The following SHISA6 variants were observed in gnomAD, a reference collection of about 807,000 sequenced individuals.
SHISA6 encodes shisa family member 6.
A neutral mutation model predicts 47.9 loss-of-function variants in SHISA6; 22 were observed. That is an observed-to-expected ratio of 0.46 (90% CI 0.33 to 0.66). SHISA6 has a LOEUF of 0.66. Among genes scored for constraint, SHISA6 ranks in the 30% least tolerant of loss-of-function variants. The pLI, the probability that SHISA6 is intolerant of heterozygous loss-of-function variation, is 0.02. For missense variants in SHISA6, 680 were observed against 764.6 expected (o/e 0.89, Z 1.30); for synonymous variants, 388 against 337.8 (o/e 1.15, Z -1.63).
chr17:11,401,363 C>G (rs1012224717), intron 3 of SHISA6, among the ~76,000 whole-genome samples: 1 of 152,082 alleles, frequency 6.6e-6, no homozygotes, highest in Non-Finnish European at 1.5e-5. Flanking sequence ...GCCCAGCTAA[C>G]TTTTGTATTT....
chr17:11,483,995 G>A lies in SHISA6; in HGVS notation c.896-67901G>A, dbSNP rs377120558. Among the ~76,000 whole-genome samples the A allele has an allele frequency of 2.1e-4, 31 of 148,092 alleles. No homozygotes were observed. In the South Asian group the frequency reaches 5.6e-3, roughly 27 times the overall value. ...TCAGAATTGAAAGACTAAAGAAAGC[G>A]GTCAATATTGACTATTCAATAATTA... On this transcript the variant is annotated intron_variant, in intron 3 of 5. Transcript: ENST00000441885.
At chr17:11,455,591 C>G (rs1344150722) in intron 3 of SHISA6, among the ~76,000 whole-genome samples, 1 of 151,904 alleles carries the variant, frequency 6.6e-6, no homozygotes, top group Non-Finnish European at 1.5e-5. Flanking sequence ...CCAAATGGCA[C>G]TCTTCACAAG....
At chr17:11,287,239 A>AGGAAGGAAGGAGGGAG (rs1909336068) in intron 2 of SHISA6, among the ~76,000 whole-genome samples, 1 of 150,194 alleles carries the variant, frequency 6.7e-6, no homozygotes, top group African/African-American at 2.5e-5. Context: ...AAAGAAGGGA[A>AGGAAGGAAGGAGGGAG]GGAAGGAAGG....
chr17:11,512,473 T>C (rs111461587), intron 3 of SHISA6, among the ~76,000 whole-genome samples: 273 of 152,352 alleles, frequency 1.8e-3, no homozygotes, highest in African/African-American at 6.1e-3. Flanking sequence ...TTTGTAACTG[T>C]ATGTTTACAC....
Position 11,433,957 on chromosome 17 carries a change from G to T in SHISA6, c.895+54448G>T, listed in dbSNP as rs551466709. Among the ~76,000 whole-genome samples, 7 of 152,252 alleles carry T rather than the reference G, an allele frequency of 4.6e-5. No homozygotes were observed. In the South Asian group the frequency reaches 1.2e-3, roughly 27 times the overall value. On this transcript the variant is annotated intron_variant, in intron 3 of 5. Transcript: ENST00000441885. ...AGGTTGTTTTCAAAGAAGGAAAAAT[G>T]GTTGTGAGAGGTCAGAATCAGTGCA... is the stretch of plus-strand genomic sequence containing the variant.
At chr17:11,504,468 A>G (rs1043569377) in intron 3 of SHISA6, among the ~76,000 whole-genome samples, 3 of 152,134 alleles carry the variant, frequency 2.0e-5, no homozygotes, top group African/African-American at 7.2e-5. Flanking sequence ...TTTAGAAGAG[A>G]CTTGTCTCAA....
At chr17:11,317,422 T>C (rs1910560649) in intron 2 of SHISA6, among the ~76,000 whole-genome samples, 1 of 152,066 alleles carries the variant, frequency 6.6e-6, no homozygotes, top group South Asian at 2.1e-4. Flanking sequence ...TGATTTCTTA[T>C]TGATCATAAA....
intron 2 of SHISA6, among the ~76,000 whole-genome samples, chr17:11,308,101 T>A (rs1376215773): frequency 1.3e-5 from 2 of 152,142 alleles, no homozygotes; most frequent in African/African-American, 4.8e-5. Context: ...CCAAAATCTA[T>A]CATGGAAGGG....
chr17:11,245,175 G>A (rs561847935), intron 1 of SHISA6, among the ~76,000 whole-genome samples: 37 of 152,326 alleles, frequency 2.4e-4, no homozygotes, highest in African/African-American at 8.4e-4. Context: ...TACCAAGTCC[G>A]ACTCAGCTAG....
intron 2 of SHISA6, among the ~76,000 whole-genome samples, chr17:11,298,536 T>C (rs1567564723): frequency 6.6e-6 from 1 of 152,130 alleles, no homozygotes; most frequent in Non-Finnish European, 1.5e-5. Context: ...ACTACTGAAC[T>C]CAGGCTGGGC....
chr17:11,496,112 C>G (rs905222391), intron 3 of SHISA6, among the ~76,000 whole-genome samples: 1 of 152,182 alleles, frequency 6.6e-6, no homozygotes, highest in Non-Finnish European at 1.5e-5. Context: ...AGTCTACTTG[C>G]AACTACACTT....
chr17:11,419,146 A>G (rs372886206), intron 3 of SHISA6, among the ~76,000 whole-genome samples: 6 of 152,226 alleles, frequency 3.9e-5, no homozygotes, highest in African/African-American at 1.2e-4. Flanking sequence ...CAGCACACCA[A>G]CGTGGCACAT....
chr17:11,399,283 C>T (rs1597493876), intron 3 of SHISA6, among the ~76,000 whole-genome samples: 1 of 152,150 alleles, frequency 6.6e-6, no homozygotes, highest in Admixed American at 6.5e-5. Flanking sequence ...TGTATTTACT[C>T]CCTGAATTGC....
At chr17:11,547,667 A>G (rs1463043445) in intron 3 of SHISA6, among the ~76,000 whole-genome samples, 2 of 152,196 alleles carry the variant, frequency 1.3e-5, no homozygotes, top group Non-Finnish European at 2.9e-5. Flanking sequence ...AATGAAACCA[A>G]AGAAAATTAG....
chr17:11,287,255 G>A (rs1282459394), intron 2 of SHISA6, among the ~76,000 whole-genome samples: 2 of 146,832 alleles, frequency 1.4e-5, no homozygotes, highest in Non-Finnish European at 3.0e-5. Context: ...GAAGGAGGGA[G>A]GGAAGGAAGG....
intron 2 of SHISA6, among the ~76,000 whole-genome samples, chr17:11,276,593 G>A (rs904868780): frequency 2.0e-5 from 3 of 151,142 alleles, no homozygotes; most frequent in African/African-American, 4.9e-5. Context: ...CATCATCATC[G>A]TTGTCACCAC....
Position 11,370,933 on chromosome 17 carries a change from G to A in SHISA6, c.800-8481G>A, listed in dbSNP as rs140549059. Reference sequence around the variant, plus strand: ...CTTAGCAATGGTCCCCTTTGTTTCCGCCAGCAGCAGTGTAGGCAGAGGGAA... The same window carrying A: ...CTTAGCAATGGTCCCCTTTGTTTCCACCAGCAGCAGTGTAGGCAGAGGGAA... On this transcript the variant is annotated intron_variant, in intron 2 of 5. Transcript: ENST00000441885. 2.6e-3 allele frequency among the ~76,000 whole-genome samples: 399 copies of A among 152,258 alleles called. 1 individual carries two copies. The highest frequency in any genetic ancestry group is 7.4e-3 in the African/African-American group (306 of 41,542).
At chr17:11,450,120 C>T (rs545927749) in intron 3 of SHISA6, among the ~76,000 whole-genome samples, 2 of 152,100 alleles carry the variant, frequency 1.3e-5, no homozygotes, top group South Asian at 2.1e-4. Flanking sequence ...CTCCTGACCT[C>T]GTGATCCACC....
chr17:11,349,200 T>C (rs1911791393), intron 2 of SHISA6, among the ~76,000 whole-genome samples: 1 of 152,208 alleles, frequency 6.6e-6, no homozygotes, highest in South Asian at 2.1e-4. Context: ...CACATAAATT[T>C]ACCATTCCAT....
Sources: allele counts gnomAD v4.1 joint callset (sites outside exome capture counted in the v4.1 genomes callset), GRCh38; gene constraint gnomAD v4.1.1; transcripts MANE v1.5; gene names NCBI Gene and HGNC (gene_info 2026-07-23, HGNC 2026-07-21).